Variants in RCOR1 observed in about 807,000 individuals in gnomAD.
RCOR1 encodes the protein REST corepressor.
RCOR1 carries 12 observed loss-of-function variants against 64.0 expected under a neutral mutation model. The observed-to-expected ratio is 0.19, with a 90% confidence interval of 0.12 to 0.30. The LOEUF (loss-of-function observed/expected upper bound fraction) is 0.30. Ranked by LOEUF, RCOR1 falls within the 10% of genes least tolerant of loss-of-function variation. The pLI, the probability that RCOR1 is intolerant of heterozygous loss-of-function variation, is 1.00. For missense variants in RCOR1, 502 were observed against 621.2 expected (o/e 0.81, Z 2.04); for synonymous variants, 279 against 227.2 (o/e 1.23, Z -2.05).
In RCOR1 at chr14:102,729,607, C is replaced by A. The variant is rs1326161754; in HGVS notation, c.*3101C>A. ...AAGGTAGTTAGTTGGGTTGTAACAG[C>A]TTACTGGGGTGGACTCATAAAACAG... is the stretch of plus-strand genomic sequence containing the variant. On this transcript the variant is annotated 3_prime_UTR_variant, in exon 12 of 12. Coordinates refer to ENST00000262241, the MANE Select transcript of RCOR1 (RefSeq NM_015156.4). The A allele has an allele frequency of 2.7e-6, 1 of 369,898 alleles. No individual in the cohort carries two copies. Among genetic ancestry groups the A allele is most frequent in the Non-Finnish European group, 4.8e-6 (1 of 208,204 alleles). 22.9% of individuals were successfully genotyped at this position (369,898 alleles called of 1,614,324 possible).
intron 2 of RCOR1, among the ~76,000 whole-genome samples, chr14:102,629,247 A>G (rs1009296694): frequency 1.3e-5 from 2 of 152,104 alleles, no homozygotes; most frequent in East Asian, 1.9e-4. Flanking sequence ...GGTTTTCCTC[A>G]TCAGTCTGTC....
At chr14:102,685,079 T>G (rs117009477) in intron 3 of RCOR1, among the ~76,000 whole-genome samples, 2 of 147,810 alleles carry the variant, frequency 1.4e-5, no homozygotes, top group East Asian at 2.0e-4. Context: ...TGTGTGTGTG[T>G]TTTTTTTTTC....
chr14:102,649,993 A>AT (rs1413879387), intron 2 of RCOR1, among the ~76,000 whole-genome samples: 1 of 151,702 alleles, frequency 6.6e-6, no homozygotes, highest in Non-Finnish European at 1.5e-5. Context: ...AGGTCAGGAG[A>AT]TGAGACCATC....
intron 2 of RCOR1, among the ~76,000 whole-genome samples, chr14:102,642,257 A>G (rs1004586993): frequency 6.6e-6 from 1 of 152,204 alleles, no homozygotes; most frequent in Non-Finnish European, 1.5e-5. Flanking sequence ...GACGGTATTA[A>G]CAAGTGTCTG....
At chr14:102,677,280 C>T (rs1482174766) in intron 2 of RCOR1, among the ~76,000 whole-genome samples, 3 of 96,532 alleles carry the variant, frequency 3.1e-5, no homozygotes, top group South Asian at 3.7e-4. Context: ...CCAGTCGGGG[C>T]GGCCGGGCAA....
intron 3 of RCOR1, among the ~76,000 whole-genome samples, chr14:102,694,339 C>T (rs1249379174): frequency 6.6e-6 from 1 of 152,208 alleles, no homozygotes; most frequent in Non-Finnish European, 1.5e-5. Context: ...TCACTGCAAC[C>T]TCCGCCTCCT....
At chr14:102,675,658 G>A (rs1191874027) in intron 2 of RCOR1, among the ~76,000 whole-genome samples, 1 of 152,148 alleles carries the variant, frequency 6.6e-6, no homozygotes, top group Non-Finnish European at 1.5e-5. Flanking sequence ...GTTGATCATG[G>A]GTAACTGAAA....
intron 2 of RCOR1, among the ~76,000 whole-genome samples, chr14:102,614,635 T>G (rs570820785): frequency 1.7e-4 from 26 of 152,244 alleles, no homozygotes; most frequent in African/African-American, 6.0e-4. Context: ...TCTGCTTGCT[T>G]GGCAACAGGT....
In RCOR1 at chr14:102,651,131, T is replaced by C. The variant is rs553868067; in HGVS notation, c.362-30764T>C. Reference sequence around the variant, plus strand: ...ATGTTTGGTGCTGAGACCAGCTCGGTCGGGGAGACCCTAACCCAGCGGCGC... The same window carrying C: ...ATGTTTGGTGCTGAGACCAGCTCGGCCGGGGAGACCCTAACCCAGCGGCGC... On this transcript the variant is annotated intron_variant, in intron 2 of 11. Transcript: ENST00000262241. 12 of 961,082 alleles carry C rather than the reference T, an allele frequency of 1.2e-5. No homozygotes were observed. The South Asian group carries it at 2.9e-4, about 23-fold the overall frequency. 59.5% of individuals were successfully genotyped at this position (961,082 alleles called of 1,614,324 possible).
intron 2 of RCOR1, chr14:102,662,428 C>T (rs1894842150): frequency 5.4e-6 from 3 of 557,280 alleles, no homozygotes; most frequent in African/African-American, 1.9e-5. Context: ...ACACAAGTGT[C>T]TTGTTGTCCT....
At chr14:102,654,233 C>T (rs1233177438) in intron 2 of RCOR1, among the ~76,000 whole-genome samples, 4 of 151,720 alleles carry the variant, frequency 2.6e-5, no homozygotes, top group Non-Finnish European at 4.4e-5. Flanking sequence ...GTGATCTGCC[C>T]GCCTCAGCCT....
chr14:102,684,854 A>G (rs1895383241), intron 3 of RCOR1, among the ~76,000 whole-genome samples: 1 of 152,172 alleles, frequency 6.6e-6, no homozygotes, highest in Admixed American at 6.5e-5. Flanking sequence ...GTTTTAAATA[A>G]CTAGGTGTAA....
intron 2 of RCOR1, among the ~76,000 whole-genome samples, chr14:102,639,428 T>G (rs1400904248): frequency 6.6e-6 from 1 of 151,368 alleles, no homozygotes; most frequent in Non-Finnish European, 1.5e-5. Flanking sequence ...CTTCCCCAGC[T>G]CTCCCCCTCC....
At chr14:102,693,424 C>T (rs1391272501) in intron 3 of RCOR1, among the ~76,000 whole-genome samples, 1 of 152,162 alleles carries the variant, frequency 6.6e-6, no homozygotes, top group African/African-American at 2.4e-5. Context: ...TAAAAGATCA[C>T]TGTGTTGCAA....
chr14:102,677,586 C>T (rs1895210745), intron 2 of RCOR1, among the ~76,000 whole-genome samples: 1 of 123,306 alleles, frequency 8.1e-6, no homozygotes, highest in African/African-American at 3.3e-5. Context: ...GAGGTGCTCC[C>T]CACATCTCAG....
rs534040733 is a variant in RCOR1, at chr14:102,685,040, G to A, written c.445+3062G>A. 3.2e-3 allele frequency among the ~76,000 whole-genome samples: 485 copies of A among 149,752 alleles called. 1 individual carries two copies. Among genetic ancestry groups the A allele is most frequent in the Non-Finnish European group, 5.4e-3 (363 of 67,656 alleles). On this transcript the variant is annotated intron_variant, in intron 3 of 11. Coordinates refer to ENST00000262241, the MANE Select transcript of RCOR1 (RefSeq NM_015156.4). ...GATACTAAAAAACTGTGTATAGGATGTCTGGAGATCCCTGGCTTTTCTTGT... is the reference window on the plus strand; with the variant it reads ...GATACTAAAAAACTGTGTATAGGATATCTGGAGATCCCTGGCTTTTCTTGT...
chr14:102,662,553 G>C lies in RCOR1; in HGVS notation c.362-19342G>C, dbSNP rs1485302446. 1.2e-5 allele frequency: 6 copies of C among 483,886 alleles called. No homozygotes were observed. The East Asian group carries it at 3.2e-4, about 25-fold the overall frequency. 30.0% of individuals were successfully genotyped at this position (483,886 alleles called of 1,614,324 possible). ...GGATATTTGGGCTGCCCCTGGAGTC[G>C]CAGTGTTTTGGGCCGCTGGAAGGTG... On this transcript the variant is annotated intron_variant, in intron 2 of 11. Coordinates refer to ENST00000262241, the MANE Select transcript of RCOR1 (RefSeq NM_015156.4).
intron 2 of RCOR1, among the ~76,000 whole-genome samples, chr14:102,653,021 C>G (rs992370951): frequency 6.6e-6 from 1 of 152,154 alleles, no homozygotes; most frequent in African/African-American, 2.4e-5. Flanking sequence ...CAACCTCTAT[C>G]TCCTGGGTTC....
chr14:102,730,151 T>A lies in RCOR1; in HGVS notation c.*3645T>A. On this transcript the variant is annotated 3_prime_UTR_variant, in exon 12 of 12. Coordinates refer to ENST00000262241, the MANE Select transcript of RCOR1 (RefSeq NM_015156.4). The stretch of plus-strand genomic sequence containing the variant: ...AGCCACCTTCTCCTAAAACGAAATT[T>A]ATACCGGGGTGGATAGTATTCCATT... 2.5e-6 allele frequency: 1 copy of A among 397,960 alleles called. No homozygotes were observed. Among genetic ancestry groups the A allele is most frequent in the Non-Finnish European group, 4.4e-6 (1 of 225,864 alleles). The allele number at this position is 397,960 out of a possible 1,614,324, so 24.7% of individuals were successfully genotyped here.
Sources: gnomAD v4.1 joint callset for allele counts (sites outside exome capture counted in the v4.1 genomes callset) on GRCh38, gnomAD v4.1.1 for gene constraint, MANE v1.5 for transcripts, NCBI Gene and HGNC (gene_info 2026-07-23, HGNC 2026-07-21) for gene names.